Variants in ABTB3 observed in about 807,000 individuals in gnomAD.
ABTB3 encodes the protein ankyrin repeat- and BTB/POZ domain-containing protein 3.
chr12:107,417,795 A>G, the ABTB3 span, among the ~76,000 whole-genome samples: 84 of 152,262 alleles, frequency 5.5e-4, no homozygotes, highest in East Asian at 9.3e-3. Context: ...CCCCTCTGAT[A>G]TAGTCTGCAG....
the ABTB3 span, among the ~76,000 whole-genome samples, chr12:107,393,228 T>C: frequency 3.7e-4 from 57 of 152,080 alleles, no homozygotes; most frequent in African/African-American, 1.4e-3. Context: ...AATAAATCTT[T>C]TGTAGTTTTC....
At chr12:107,528,797 T>C in the ABTB3 span, among the ~76,000 whole-genome samples, 1 of 152,148 alleles carries the variant, frequency 6.6e-6, no homozygotes. Flanking sequence ...GCAGTGATGG[T>C]GACGGTGATG....
At chr12:107,387,915 G>C in the ABTB3 span, among the ~76,000 whole-genome samples, 7 of 150,842 alleles carry the variant, frequency 4.6e-5, no homozygotes, top group East Asian at 3.9e-4. Context: ...TCATCTTCCT[G>C]CTTCCCCTCC....
chr12:107,652,184 A>G, the ABTB3 span, among the ~76,000 whole-genome samples: 1 of 152,242 alleles, frequency 6.6e-6, no homozygotes, highest in Non-Finnish European at 1.5e-5. Flanking sequence ...TGTCCAATCC[A>G]GCAACATCAG....
chr12:107,486,447 CT>C, the ABTB3 span: 1 of 152,096 alleles, frequency 6.6e-6, no homozygotes, highest in Non-Finnish European at 1.5e-5. Flanking sequence ...TTATCTGGCC[CT>C]TTATAGAAAA....
chr12:107,497,524 C>T, the ABTB3 span, among the ~76,000 whole-genome samples: 1 of 151,630 alleles, frequency 6.6e-6, no homozygotes, highest in Non-Finnish European at 1.5e-5. Flanking sequence ...ACCATCCCAC[C>T]ACCATCATCC....
chr12:107,418,098 A>G, the ABTB3 span, among the ~76,000 whole-genome samples: 1 of 152,232 alleles, frequency 6.6e-6, no homozygotes, highest in Non-Finnish European at 1.5e-5. Flanking sequence ...GTGTTGCCAA[A>G]GATTAACATT....
the ABTB3 span, among the ~76,000 whole-genome samples, chr12:107,417,870 G>A: frequency 6.6e-6 from 1 of 152,330 alleles, no homozygotes; most frequent in Non-Finnish European, 1.5e-5. Context: ...CAGCAACTCT[G>A]CAAAGCCCAG....
chr12:107,552,674 G>A, the ABTB3 span, among the ~76,000 whole-genome samples: 4 of 152,206 alleles, frequency 2.6e-5, no homozygotes, highest in African/African-American at 4.8e-5. Context: ...AGCCCAGAGT[G>A]ATGAGGGACT....
the ABTB3 span, among the ~76,000 whole-genome samples, chr12:107,626,773 G>T: frequency 6.6e-6 from 1 of 152,118 alleles, no homozygotes; most frequent in African/African-American, 2.4e-5. Context: ...GATCCATAAA[G>T]CCTCTAAGGA....
chr12:107,343,532 A>G, the ABTB3 span, among the ~76,000 whole-genome samples: 1 of 152,346 alleles, frequency 6.6e-6, no homozygotes, highest in East Asian at 1.9e-4. Context: ...TGCTAGTGTC[A>G]GAGACCAAAC....
chr12:107,456,150 G>A, the ABTB3 span, among the ~76,000 whole-genome samples: 201 of 152,264 alleles, frequency 1.3e-3, no homozygotes, highest in African/African-American at 4.6e-3. Context: ...ATATTAACAC[G>A]TTTAATCCTG....
the ABTB3 span, among the ~76,000 whole-genome samples, chr12:107,340,516 T>G: frequency 2.6e-5 from 4 of 152,276 alleles, no homozygotes; most frequent in Middle Eastern, 3.4e-3. Context: ...GTGTGTTGTC[T>G]ATAAATCTGA....
chr12:107,595,653 C>T, the ABTB3 span, among the ~76,000 whole-genome samples: 19 of 152,054 alleles, frequency 1.2e-4, no homozygotes, highest in Non-Finnish European at 2.6e-4. Flanking sequence ...TGGAGTTGGG[C>T]GGGAAGAATA....
chr12:107,470,328 G>A, the ABTB3 span, among the ~76,000 whole-genome samples: 6 of 152,074 alleles, frequency 3.9e-5, no homozygotes, highest in South Asian at 2.1e-4. Context: ...GTGAGCCACC[G>A]TGCCTGGCTG....
the ABTB3 span, among the ~76,000 whole-genome samples, chr12:107,442,526 AG>A: frequency 3.9e-5 from 6 of 152,208 alleles, no homozygotes; most frequent in African/African-American, 1.2e-4. Flanking sequence ...TTTCCTCACC[AG>A]GCTCCAAAAT....
At chr12:107,648,815 G>A in the ABTB3 span, among the ~76,000 whole-genome samples, 3 of 152,086 alleles carry the variant, frequency 2.0e-5, no homozygotes, top group Non-Finnish European at 4.4e-5. Flanking sequence ...GCCATGCCAC[G>A]TGTACAGCAG....
the ABTB3 span, among the ~76,000 whole-genome samples, chr12:107,528,927 G>T: frequency 2.0e-5 from 3 of 151,956 alleles, no homozygotes; most frequent in African/African-American, 7.2e-5. Flanking sequence ...TGGTGATAGT[G>T]ATGATGATGG....
the ABTB3 span, among the ~76,000 whole-genome samples, chr12:107,595,438 G>A: frequency 6.6e-6 from 1 of 152,248 alleles, no homozygotes; most frequent in South Asian, 2.1e-4. Context: ...TGGCTGCAAT[G>A]GGGGGAAAAG....
Sources: allele counts gnomAD v4.1 joint callset (sites outside exome capture counted in the v4.1 genomes callset), GRCh38; gene constraint gnomAD v4.1.1; transcripts MANE v1.5; gene names NCBI Gene and HGNC (gene_info 2026-07-23, HGNC 2026-07-21).